The following CTDSPL2 variants were observed in gnomAD, a reference collection of about 807,000 sequenced individuals.
CTDSPL2 encodes the protein CTD small phosphatase-like protein 2.
CTDSPL2 carries 5 observed loss-of-function variants against 60.0 expected under a neutral mutation model. The observed-to-expected ratio is 0.08, with a 90% CI of 0.04 to 0.18. The LOEUF (loss-of-function observed/expected upper bound fraction) is 0.18, where lower values mean the gene tolerates loss of function less well. Ranked by LOEUF, CTDSPL2 falls within the 10% of genes least tolerant of loss-of-function variation. CTDSPL2 has a pLI of 1.00. For missense variants in CTDSPL2, 370 were observed against 548.8 expected (o/e 0.67, Z 3.26); for synonymous variants, 186 against 189.3 (o/e 0.98, Z 0.14).
At chr15:44,445,439 C>CT (rs956427581) in intron 1 of CTDSPL2, among the ~76,000 whole-genome samples, 6 of 152,152 alleles carry the variant, frequency 3.9e-5, no homozygotes, top group Admixed American at 3.3e-4. Context: ...GTCTACCTGA[C>CT]TTGGCCTCCC....
chr15:44,496,302 T>TA (rs2081298871), intron 5 of CTDSPL2, 78 bp from the exon 6 acceptor site: 1 of 990,864 alleles, frequency 1.0e-6, no homozygotes, highest in African/African-American at 1.6e-5. Context: ...AGGAAGATCT[T>TA]AGATAGAAGC....
intron 1 of CTDSPL2, among the ~76,000 whole-genome samples, chr15:44,441,258 C>T (rs1373979548): frequency 6.6e-6 from 1 of 152,082 alleles, no homozygotes; most frequent in African/African-American, 2.4e-5. Context: ...TTCACTTGTG[C>T]CTTGCGGGTA....
At chr15:44,444,212 C>T (rs1438414519) in intron 1 of CTDSPL2, among the ~76,000 whole-genome samples, 3 of 150,400 alleles carry the variant, frequency 2.0e-5, no homozygotes, top group Non-Finnish European at 3.0e-5. Flanking sequence ...GTTTTGACAC[C>T]CAATTTATCT....
Position 44,459,118 on chromosome 15 carries a change from C to G in CTDSPL2, c.104C>G (p.Pro35Arg). The change falls in exon 2 of 13, where the codon CCT (proline) becomes CGT (arginine). Residue 35 changes from proline (P) to arginine (R), a missense_variant. Coordinates refer to ENST00000260327, the MANE Select transcript of CTDSPL2 (RefSeq NM_016396.3). ...RKYSEVDDSLPSGGEKPSKNE... is the reference protein window; with the variant it reads ...RKYSEVDDSLRSGGEKPSKNE... ...TATTCAGAGGTTGATGATAGCCTGC[C>G]TTCAGGAGGAGAAAAACCATCGAAG... is the stretch of plus-strand genomic sequence containing the variant. 1 of 1,613,200 alleles carries G rather than the reference C, an allele frequency of 6.2e-7. No homozygotes were observed. The highest frequency in any genetic ancestry group is 1.1e-5 in the South Asian group (1 of 91,004).
At chr15:44,444,810 G>GGCCTGGTGTTGAGATAT (rs2080171065) in intron 1 of CTDSPL2, among the ~76,000 whole-genome samples, 1 of 143,332 alleles carries the variant, frequency 7.0e-6, no homozygotes, top group African/African-American at 2.6e-5. Context: ...GGTACAGATA[G>GGCCTGGTGTTGAGATAT]GCCTGGTGTT....
chr15:44,455,662 A>G lies in CTDSPL2; in HGVS notation c.-24-3329A>G, dbSNP rs375165411. Among the ~76,000 whole-genome samples the G allele has an allele frequency of 5.1e-4, 77 of 152,164 alleles. 1 individual carries two copies. The highest frequency in any genetic ancestry group is 1.3e-3 in the African/African-American group (55 of 41,508). On this transcript the variant is annotated intron_variant, in intron 1 of 12. Coordinates refer to ENST00000260327, the MANE Select transcript of CTDSPL2 (RefSeq NM_016396.3). ...TTGAATTTTGTCAAAGGCCTTTTCTACATCTATTGAGATAATCATGTGGTT... is the reference window on the plus strand; with the variant it reads ...TTGAATTTTGTCAAAGGCCTTTTCTGCATCTATTGAGATAATCATGTGGTT...
chr15:44,499,863 TA>T lies in CTDSPL2; in HGVS notation c.969+58del, dbSNP rs755242893. 28 of 1,027,658 alleles carry T rather than the reference TA, an allele frequency of 2.7e-5. No individual in the cohort carries two copies. In the Admixed American group the frequency reaches 3.0e-4, roughly 11 times the overall value. The allele number at this position is 1,027,658 out of a possible 1,614,324, so 63.7% of individuals were successfully genotyped here. ...TTTGGCCTGATAGGTAACATTCTGATAAAAAAAACTTTTGTATTTTTTTTGT... is the reference window on the plus strand; with the variant it reads ...TTTGGCCTGATAGGTAACATTCTGATAAAAAAACTTTTGTATTTTTTTTGT... On this transcript the variant is annotated intron_variant, in intron 8 of 12. Transcript: ENST00000260327.
intron 1 of CTDSPL2, among the ~76,000 whole-genome samples, chr15:44,439,418 C>T (rs984308489): frequency 4.6e-5 from 7 of 152,122 alleles, no homozygotes; most frequent in Admixed American, 3.3e-4. Context: ...AGCCGGCCTC[C>T]CAAGTGCTGG....
At chr15:44,522,069 T>C (rs2081788541) in intron 12 of CTDSPL2, among the ~76,000 whole-genome samples, 1 of 152,086 alleles carries the variant, frequency 6.6e-6, no homozygotes, top group African/African-American at 2.4e-5. Context: ...GGTCTTGTTC[T>C]GTCACCCAGG....
chr15:44,470,934 T>C lies in CTDSPL2; in HGVS notation c.186+11734T>C, dbSNP rs539938744. 1.2e-3 allele frequency among the ~76,000 whole-genome samples: 190 copies of C among 152,092 alleles called. 3 individuals are homozygous for C. In the South Asian group the frequency reaches 0.038, roughly 31 times the overall value. On this transcript the variant is annotated intron_variant, in intron 2 of 12. Transcript: ENST00000260327. ...TCCTCCTATATCCTATATTGACTTC[T>C]CAAAAAAAAACCTTAAACACAATAA...
At chr15:44,483,826 C>G (rs767958152) in intron 2 of CTDSPL2, among the ~76,000 whole-genome samples, 3 of 152,114 alleles carry the variant, frequency 2.0e-5, no homozygotes, top group Non-Finnish European at 4.4e-5. Context: ...ATGTGACTTG[C>G]CAGCACATTC....
intron 4 of CTDSPL2, among the ~76,000 whole-genome samples, chr15:44,487,029 A>G (rs554938322): frequency 7.0e-4 from 106 of 152,312 alleles, no homozygotes; most frequent in Middle Eastern, 3.4e-3. Context: ...CGGATTCCCA[A>G]AGTGCTGGAA....
At chr15:44,521,713 C>T (rs2081771975) in intron 12 of CTDSPL2, among the ~76,000 whole-genome samples, 1 of 151,438 alleles carries the variant, frequency 6.6e-6, no homozygotes, top group Non-Finnish European at 1.5e-5. Flanking sequence ...CCGAGGCGGG[C>T]GGATCACGAG....
intron 1 of CTDSPL2, among the ~76,000 whole-genome samples, chr15:44,442,613 G>C (rs991116530): frequency 2.0e-5 from 3 of 151,780 alleles, no homozygotes; most frequent in Non-Finnish European, 1.5e-5. Context: ...ATTTTACTTG[G>C]TCCCTTTTTC....
At position 44,461,573 on chromosome 15, in the gene CTDSPL2, CTTTTTTTTTTTT is replaced by C. The variant is rs35540014; in HGVS notation, c.186+2386_186+2397del. On this transcript the variant is annotated intron_variant, in intron 2 of 12. Transcript: ENST00000260327. ...CCAGCTATTTTTAAAGTTTCTCTCC[CTTTTTTTTTTTT>C]TTTTTTTTTTTTAAAGAGATGAGGT... Among the ~76,000 whole-genome samples the C allele has an allele frequency of 5.1e-3, 646 of 125,674 alleles. 7 individuals carry two copies. The highest frequency in any genetic ancestry group is 0.018 in the African/African-American group (608 of 33,546). 82.4% of individuals were successfully genotyped at this position (125,674 alleles called of 152,430 possible).
chr15:44,449,715 C>T (rs917553457), intron 1 of CTDSPL2, among the ~76,000 whole-genome samples: 8 of 150,656 alleles, frequency 5.3e-5, no homozygotes, highest in East Asian at 2.0e-4. Flanking sequence ...AGTAGCCAGG[C>T]GTGGTGGCAC....
At chr15:44,467,299 G>A (rs930683187) in intron 2 of CTDSPL2, among the ~76,000 whole-genome samples, 45 of 152,198 alleles carry the variant, frequency 3.0e-4, no homozygotes, top group African/African-American at 1.1e-3. Flanking sequence ...TGTCATCACT[G>A]GGACTTATTT....
intron 4 of CTDSPL2, 74 bp from the exon 5 acceptor site, chr15:44,490,710 C>T (rs567332994): frequency 3.3e-5 from 35 of 1,060,264 alleles, no homozygotes; most frequent in African/African-American, 2.2e-4. Context: ...ATATATTGTA[C>T]GGTGATGCTG....
intron 2 of CTDSPL2, among the ~76,000 whole-genome samples, chr15:44,475,276 A>G (rs2080893187): frequency 6.6e-6 from 1 of 152,118 alleles, no homozygotes; most frequent in South Asian, 2.1e-4. Context: ...TTTCAGCACT[A>G]TCTACTATGC....
Sources: gnomAD v4.1 joint callset for allele counts (sites outside exome capture counted in the v4.1 genomes callset) on GRCh38, gnomAD v4.1.1 for gene constraint, MANE v1.5 for transcripts, NCBI Gene and HGNC (gene_info 2026-07-23, HGNC 2026-07-21) for gene names.